The following WDFY4 variants were observed in gnomAD, a reference collection of about 807,000 sequenced individuals.
The protein encoded by WDFY4 is WDFY family member 4.
Under a neutral mutation model 351.9 loss-of-function variants are expected in WDFY4, and 169 were observed. The observed-to-expected ratio is 0.48, with a 90% CI of 0.42 to 0.55. The LOEUF is 0.55. Ranked by LOEUF, WDFY4 falls within the 20% of genes least tolerant of loss-of-function variation. WDFY4 has a pLI of 0.00. For synonymous variants in WDFY4, 1,622 were observed against 1,574.6 expected, an observed-to-expected ratio of 1.03 and a Z score of -0.71; for missense variants, 3,803 against 3,935.6, an observed-to-expected ratio of 0.97 and a Z score of 0.90.
intron 42 of WDFY4, 127 bp from the exon 43 acceptor site, chr10:48,876,906 A>T: frequency 1.1e-6 from 1 of 932,454 alleles, no homozygotes; most frequent in South Asian, 2.3e-5. Flanking sequence ...ACAGTGAGAG[A>T]TCCACGCTCT....
At chr10:48,689,748 A>C (rs1390812177) in intron 1 of WDFY4, among the ~76,000 whole-genome samples, 1 of 152,252 alleles carries the variant, frequency 6.6e-6, no homozygotes, top group Non-Finnish European at 1.5e-5. Context: ...GTGAAAAGCC[A>C]CTTGAACCAA....
At chr10:48,971,960 A>G (rs899974415) in intron 57 of WDFY4, among the ~76,000 whole-genome samples, 4 of 152,054 alleles carry the variant, frequency 2.6e-5, no homozygotes, top group African/African-American at 9.7e-5. Context: ...GTTCCACCTG[A>G]CCCTGGGGCT....
intron 28 of WDFY4, among the ~76,000 whole-genome samples, chr10:48,810,095 C>T (rs2067397783): frequency 6.6e-6 from 1 of 152,084 alleles, no homozygotes; most frequent in Non-Finnish European, 1.5e-5. Context: ...AAATATTGAA[C>T]TATGCCATTT....
At chr10:48,688,500 G>GC (rs1386471434) in intron 1 of WDFY4, among the ~76,000 whole-genome samples, 4 of 152,048 alleles carry the variant, frequency 2.6e-5, no homozygotes, top group Non-Finnish European at 4.4e-5. Context: ...TTTCTTTATA[G>GC]CAGTAGTGCA....
chr10:48,805,976 G>A (rs1209382644), intron 26 of WDFY4, 28 bp from the exon 27 acceptor site: 4 of 1,549,636 alleles, frequency 2.6e-6, no homozygotes, highest in Non-Finnish European at 3.5e-6. Flanking sequence ...CCGCCTGCGA[G>A]CCTGTCCTTC....
Position 48,966,673 on chromosome 10 carries a change from G to A in WDFY4, c.8584G>A (p.Asp2862Asn), listed in dbSNP as rs1842097550. The part of the protein sequence containing the change: ...SLRPSQVTVK[D>N]MYLFSLGSES... ...GAGGCCCTCCCAGGTCACGGTCAAA[G>A]GTGATTCCCTGGCCATGCATTGTTT... The change falls in exon 55 of 62, where the codon GAT becomes AAT. Residue 2862 changes from aspartate to asparagine, a missense_variant and splice_region_variant. Physicochemically the swap from Asp to Asn is conservative, Grantham distance 23. Around this residue, in one of 3 missense-constraint regions of WDFY4, gnomAD observed 3,054 missense variants for 3,148.6 expected, o/e 0.97. Transcript: ENST00000325239. The A allele has an allele frequency of 6.4e-7, 1 of 1,551,134 alleles. No individual in the cohort carries two copies. The highest frequency in any genetic ancestry group is 2.0e-5 in the Admixed American group (1 of 50,912).
chr10:48,952,225 A>G (rs1841361260), intron 51 of WDFY4, among the ~76,000 whole-genome samples: 1 of 152,158 alleles, frequency 6.6e-6, no homozygotes. Flanking sequence ...CTGCCTCTTC[A>G]CTTGCTGCCT....
chr10:48,871,891 C>T (rs981148871), intron 40 of WDFY4, among the ~76,000 whole-genome samples: 22 of 152,184 alleles, frequency 1.4e-4, no homozygotes, highest in African/African-American at 4.8e-4. Flanking sequence ...GGATTAGCTT[C>T]ATTCACAGTG....
chr10:48,822,812 T>A (rs1053350312), intron 35 of WDFY4, among the ~76,000 whole-genome samples: 9 of 152,234 alleles, frequency 5.9e-5, no homozygotes, highest in Non-Finnish European at 1.2e-4. Context: ...TAGAACCTGC[T>A]TCCTTCCCTT....
chr10:48,898,536 G>A lies in WDFY4; in HGVS notation c.7437+962G>A, dbSNP rs552083433. On this transcript the variant is annotated intron_variant, in intron 45 of 61. Transcript: ENST00000325239. Reference sequence around the variant, plus strand: ...TCATTTGTAAATCTATTTTCTGTACGTAGGTCATTGATTCATCCAGTGACC... The same window carrying A: ...TCATTTGTAAATCTATTTTCTGTACATAGGTCATTGATTCATCCAGTGACC... Among the ~76,000 whole-genome samples the A allele has an allele frequency of 7.9e-5, 12 of 152,276 alleles. No homozygotes were observed. In the East Asian group the frequency reaches 9.6e-4, roughly 12 times the overall value.
chr10:48,973,529 C>T (rs1361331366), intron 57 of WDFY4, among the ~76,000 whole-genome samples: 1 of 152,218 alleles, frequency 6.6e-6, no homozygotes, highest in Non-Finnish European at 1.5e-5. Flanking sequence ...ATTGTCTCTG[C>T]CCTGAGGGTG....
chr10:48,913,903 T>C, intron 47 of WDFY4: 1 of 1,614,120 alleles, frequency 6.2e-7, no homozygotes, highest in Non-Finnish European at 8.5e-7. Context: ...AGCTTGTCTA[T>C]GTAGTTGCTG....
chr10:48,824,169 T>G (rs927464979), intron 35 of WDFY4: 10 of 985,328 alleles, frequency 1.0e-5, no homozygotes, highest in Non-Finnish European at 9.6e-6. Context: ...CCGTCTCCAG[T>G]AGATGATATG....
chr10:48,869,945 A>G (rs1564433589), intron 40 of WDFY4, among the ~76,000 whole-genome samples: 1 of 152,210 alleles, frequency 6.6e-6, no homozygotes, highest in Non-Finnish European at 1.5e-5. Context: ...CAACAAAAAA[A>G]ATGTCTTGTT....
Position 48,929,864 on chromosome 10 carries a change from T to C in WDFY4, c.7587-11942T>C, listed in dbSNP as rs149003743. Among the ~76,000 whole-genome samples, 57 of 152,266 alleles carry C rather than the reference T, an allele frequency of 3.7e-4. 1 individual carries two copies. In the East Asian group the frequency reaches 0.011, roughly 29 times the overall value. On this transcript the variant is annotated intron_variant, in intron 47 of 61. Transcript: ENST00000325239. The stretch of plus-strand genomic sequence containing the variant: ...ACTGTGGCATCAGACTTGACAACTC[T>C]TCTTCCATCCACCCCCAATTAATAA...
intron 49 of WDFY4, among the ~76,000 whole-genome samples, chr10:48,945,133 T>A (rs953559780): frequency 6.6e-6 from 1 of 152,206 alleles, no homozygotes; most frequent in Non-Finnish European, 1.5e-5. Flanking sequence ...CCTGGCACTT[T>A]GGGAGGCCGA....
At chr10:48,708,777 CT>C (rs1450269938) in intron 1 of WDFY4, among the ~76,000 whole-genome samples, 1 of 152,094 alleles carries the variant, frequency 6.6e-6, no homozygotes, top group Non-Finnish European at 1.5e-5. Context: ...CTCTTGTAAG[CT>C]TGGGGACTTA....
intron 12 of WDFY4, among the ~76,000 whole-genome samples, chr10:48,757,159 T>C (rs1050383102): frequency 3.3e-4 from 50 of 152,090 alleles, no homozygotes; most frequent in African/African-American, 1.1e-3. Flanking sequence ...AGTTTGGTAG[T>C]TTGTGGCTTC....
At chr10:48,979,608 T>C (rs942581368) in intron 60 of WDFY4, 24 of 151,614 alleles carry the variant, frequency 1.6e-4, no homozygotes, top group African/African-American at 5.8e-4. Context: ...GATGGATGGA[T>C]GGATGGATGG....
Sources: gnomAD v4.1 joint callset for allele counts (sites outside exome capture counted in the v4.1 genomes callset) on GRCh38, gnomAD v4.1.1 for gene constraint, gnomAD v4.1.1 regional missense constraint, MANE v1.5 for transcripts, NCBI Gene and HGNC (gene_info 2026-07-23, HGNC 2026-07-21) for gene names.